The following CAST variants were observed in gnomAD, a reference collection of about 807,000 sequenced individuals.
CAST encodes calpastatin.
CAST carries 76 observed loss-of-function variants against 119.6 expected under a neutral mutation model. The observed-to-expected ratio is 0.64, with a 90% CI of 0.53 to 0.77. CAST has a LOEUF of 0.77. Ranked by LOEUF, CAST falls within the 30% of genes least tolerant of loss-of-function variation. CAST has a pLI of 0.00. For synonymous variants in CAST, 319 were observed against 331.6 expected (o/e 0.96, Z 0.41); for missense variants, 953 against 946.5 (o/e 1.01, Z -0.09).
chr5:96,521,972 C>T (rs1476709024), upstream of CAST, among the ~76,000 whole-genome samples: 1 of 152,046 alleles, frequency 6.6e-6, no homozygotes, highest in Admixed American at 6.6e-5. Context: ...AAAAATTAGC[C>T]AGGCGTGGTG....
the CAST span, among the ~76,000 whole-genome samples, chr5:95,997,968 T>C: frequency 2.3e-4 from 34 of 146,240 alleles, no homozygotes; most frequent in East Asian, 2.7e-3. Context: ...AGAGGGTTTT[T>C]TTTTTTTTTT....
chr5:96,469,655 T>G, the CAST span, among the ~76,000 whole-genome samples: 1 of 151,826 alleles, frequency 6.6e-6, no homozygotes, highest in Non-Finnish European at 1.5e-5. Flanking sequence ...GTCAAAATGA[T>G]GTACAGATAA....
At chr5:95,974,072 A>G in the CAST span, among the ~76,000 whole-genome samples, 1 of 151,734 alleles carries the variant, frequency 6.6e-6, no homozygotes, top group African/African-American at 2.4e-5. Flanking sequence ...TACTGACCCT[A>G]TCATCTGCAG....
chr5:96,508,870 C>T, the CAST span, among the ~76,000 whole-genome samples: 1 of 152,182 alleles, frequency 6.6e-6, no homozygotes, highest in African/African-American at 2.4e-5. Flanking sequence ...AAAATATTGC[C>T]TTTGCTACTT....
At chr5:96,360,070 A>T in the CAST span, among the ~76,000 whole-genome samples, 3 of 151,822 alleles carry the variant, frequency 2.0e-5, no homozygotes, top group Non-Finnish European at 4.4e-5. Flanking sequence ...CTTCACACTT[A>T]ATTTCATTTA....
At chr5:96,128,527 T>A in the CAST span, among the ~76,000 whole-genome samples, 1 of 151,860 alleles carries the variant, frequency 6.6e-6, no homozygotes, top group Non-Finnish European at 1.5e-5. Context: ...GATTTTCCCC[T>A]CAATTTAACC....
At chr5:96,566,859 G>A (rs1233984296) in intron 1 of CAST, among the ~76,000 whole-genome samples, 1 of 152,220 alleles carries the variant, frequency 6.6e-6, no homozygotes, top group Non-Finnish European at 1.5e-5. Context: ...AAATAATCAA[G>A]ATGGTCATTG....
chr5:96,257,411 A>C, the CAST span, among the ~76,000 whole-genome samples: 782 of 152,278 alleles, frequency 5.1e-3, 6 homozygotes, highest in Non-Finnish European at 6.5e-3. Context: ...AAAAAAAGAA[A>C]TGTTTTCACT....
chr5:96,561,796 G>GTT (rs11375615), intron 1 of CAST, among the ~76,000 whole-genome samples: 9 of 97,416 alleles, frequency 9.2e-5, no homozygotes, highest in African/African-American at 1.2e-4. Context: ...GTTTTTTTTT[G>GTT]TTTTTTTTTT....
the CAST span, among the ~76,000 whole-genome samples, chr5:96,355,243 C>A: frequency 6.6e-6 from 1 of 151,350 alleles, no homozygotes; most frequent in Non-Finnish European, 1.5e-5. Flanking sequence ...ATGTGTTCTC[C>A]TTGTTCAACT....
At chr5:96,190,103 T>C in the CAST span, among the ~76,000 whole-genome samples, 1 of 152,214 alleles carries the variant, frequency 6.6e-6, no homozygotes, top group East Asian at 1.9e-4. Flanking sequence ...CTGCCCTGAA[T>C]TGAAGATTCT....
At chr5:96,279,936 A>G in the CAST span, among the ~76,000 whole-genome samples, 4 of 152,216 alleles carry the variant, frequency 2.6e-5, no homozygotes, top group Non-Finnish European at 4.4e-5. Flanking sequence ...CCAAGCACAC[A>G]CTGCACCATT....
chr5:96,253,866 A>G, the CAST span, among the ~76,000 whole-genome samples: 2 of 152,118 alleles, frequency 1.3e-5, no homozygotes, highest in Admixed American at 6.6e-5. Context: ...AAGGAATCCT[A>G]CAAAATTTCG....
At chr5:96,447,419 C>A in the CAST span, among the ~76,000 whole-genome samples, 1 of 152,308 alleles carries the variant, frequency 6.6e-6, no homozygotes, top group East Asian at 1.9e-4. Context: ...ACAGAATAGC[C>A]ACCGACTACA....
intron 1 of CAST, among the ~76,000 whole-genome samples, chr5:96,595,409 C>T (rs1457683449): frequency 6.6e-6 from 1 of 152,136 alleles, no homozygotes; most frequent in Non-Finnish European, 1.5e-5. Flanking sequence ...CCTGGGAATT[C>T]GTCACTAGGG....
At chr5:96,226,284 C>T in the CAST span, among the ~76,000 whole-genome samples, 1 of 152,118 alleles carries the variant, frequency 6.6e-6, no homozygotes, top group African/African-American at 2.4e-5. Flanking sequence ...ACCTTACAAC[C>T]GTTGTACCAA....
chr5:96,178,407 GT>G, the CAST span, among the ~76,000 whole-genome samples: 1 of 151,958 alleles, frequency 6.6e-6, no homozygotes, highest in Non-Finnish European at 1.5e-5. Context: ...CATGTTTTCT[GT>G]TAATAAGTTG....
the CAST span, among the ~76,000 whole-genome samples, chr5:96,089,943 GGA>G: frequency 2.0e-5 from 3 of 152,026 alleles, no homozygotes; most frequent in African/African-American, 7.2e-5. Flanking sequence ...ACTGGGCTTT[GGA>G]GTCAGACCTT....
At chr5:96,418,896 A>G in the CAST span, among the ~76,000 whole-genome samples, 1 of 152,138 alleles carries the variant, frequency 6.6e-6, no homozygotes, top group African/African-American at 2.4e-5. Flanking sequence ...CCATCGGATG[A>G]TATTATTCTT....
Sources: gnomAD v4.1 joint callset for allele counts (sites outside exome capture counted in the v4.1 genomes callset) on GRCh38, gnomAD v4.1.1 for gene constraint, MANE v1.5 for transcripts, NCBI Gene and HGNC (gene_info 2026-07-23, HGNC 2026-07-21) for gene names.